KCNQ1: variants seen among roughly 807,000 people sequenced by gnomAD.
KCNQ1 encodes potassium voltage-gated channel subfamily KQT member 1.
In KCNQ1, 49 loss-of-function variants were observed where a neutral mutation model predicts 72.4. That is an observed-to-expected ratio of 0.68 (90% CI 0.54 to 0.86). The LOEUF (loss-of-function observed/expected upper bound fraction) is 0.86, where lower values mean the gene tolerates loss of function less well. Ranked by LOEUF, KCNQ1 falls within the 40% of genes least tolerant of loss-of-function variation. KCNQ1 has a pLI of 0.00. For synonymous variants in KCNQ1, 450 were observed against 412.6 expected (o/e 1.09, Z -1.10); for missense variants, 790 against 945.1 (o/e 0.84, Z 2.15).
At chr11:2,585,099 A>G in intron 7 of KCNQ1, 113 bp from the exon 8 acceptor site, 1 of 938,872 alleles carries the variant, frequency 1.1e-6, no homozygotes, top group Non-Finnish European at 1.7e-6. Flanking sequence ...GGGGGCTTCC[A>G]GCACTGACCA....
rs1391810763 is a variant in KCNQ1, at chr11:2,764,216, A to G, written c.1515-4628A>G. Among the ~76,000 whole-genome samples the G allele has an allele frequency of 2.7e-5, 4 of 150,938 alleles. No homozygotes were observed. The highest frequency in any genetic ancestry group is 4.4e-5 in the Non-Finnish European group (3 of 67,800). On this transcript the variant is annotated intron_variant, in intron 11 of 15. Transcript: ENST00000155840. The surrounding 1 kb of genome is among the most constrained non-coding windows in gnomAD (Gnocchi z 4.8). ...TTTTTGTCTTTTTTTTTTTTAGGTA[A>G]TGGAGTTTCTATTCCTAGTTTGCTG...
At chr11:2,460,100 C>T (rs1234766100) in intron 1 of KCNQ1, among the ~76,000 whole-genome samples, 8 of 152,106 alleles carry the variant, frequency 5.3e-5, no homozygotes, top group Non-Finnish European at 1.2e-4. Flanking sequence ...GCCCCTCACT[C>T]GAGTCCTTGC....
At position 2,471,840 on chromosome 11, in the gene KCNQ1, ATG is replaced by A. The variant is rs753118944; in HGVS notation, c.386+26362_386+26363del. On this transcript the variant is annotated intron_variant, in intron 1 of 15. Coordinates refer to ENST00000155840, the MANE Select transcript of KCNQ1 (RefSeq NM_000218.3). The surrounding 1 kb of genome is among the most constrained non-coding windows in gnomAD (Gnocchi z 4.8). Reference sequence around the variant, plus strand: ...CACGTGTATGGGTGCGTGTGCACCTATGTGTGTATAGGTGTGTGTGTTTATGT... The same window carrying A: ...CACGTGTATGGGTGCGTGTGCACCTATGTGTATAGGTGTGTGTGTTTATGT... Among the ~76,000 whole-genome samples, 11 of 150,038 alleles carry A rather than the reference ATG, an allele frequency of 7.3e-5. No individual in the cohort carries two copies. Among genetic ancestry groups the A allele is most frequent in the East Asian group, 2.0e-4 (1 of 5,052 alleles).
intron 8 of KCNQ1, among the ~76,000 whole-genome samples, chr11:2,587,342 C>T (rs1848605847): frequency 6.6e-6 from 1 of 152,206 alleles, no homozygotes; most frequent in Admixed American, 6.5e-5. Context: ...TAACAATTAG[C>T]CCATGAGGCA....
intron 15 of KCNQ1, among the ~76,000 whole-genome samples, chr11:2,823,731 A>G (rs1349039077): frequency 6.6e-6 from 1 of 152,202 alleles, no homozygotes; most frequent in Non-Finnish European, 1.5e-5. Context: ...TAGAGAAGAG[A>G]GCAGAGAAGC....
chr11:2,645,354 A>G lies in KCNQ1; in HGVS notation c.1394-16607A>G, dbSNP rs557777532. 1 of 398,752 alleles carries G rather than the reference A, an allele frequency of 2.5e-6. No individual in the cohort carries two copies. Among genetic ancestry groups the G allele is most frequent in the South Asian group, 1.3e-4 (1 of 7,850 alleles). 24.7% of individuals were successfully genotyped at this position (398,752 alleles called of 1,614,324 possible). A position where few individuals can be genotyped will look rare whatever the true frequency, so the allele number is the denominator to read the frequency against. ...GGTGATCCCTAGGCCCAGAGATGGT[A>G]TGCGCTGGCACTGGGAGAAAAGAGG... is the stretch of plus-strand genomic sequence containing the variant. On this transcript the variant is annotated intron_variant, in intron 10 of 15. Coordinates refer to ENST00000155840, the MANE Select transcript of KCNQ1 (RefSeq NM_000218.3). This position sits in a 1 kb window ranked among gnomAD's most constrained non-coding sequence, Gnocchi z 5.8.
At chr11:2,662,203 C>G in intron 11 of KCNQ1, 122 bp downstream of exon 11, 1 of 1,362,076 alleles carries the variant, frequency 7.3e-7, no homozygotes, top group Non-Finnish European at 1.0e-6. Context: ...TAGTGCCCAC[C>G]ACTTGCCGTC....
chr11:2,680,287 A>G, intron 11 of KCNQ1: 2 of 395,678 alleles, frequency 5.1e-6, no homozygotes, highest in East Asian at 3.6e-5. Context: ...ACTTCATTCA[A>G]TTTAGATTAA....
chr11:2,839,009 TAGGTGGGCAGGTGGGC>T (rs61480309), intron 15 of KCNQ1, among the ~76,000 whole-genome samples: 199 of 151,180 alleles, frequency 1.3e-3, no homozygotes, highest in Admixed American at 1.6e-3. Flanking sequence ...GGGGTTGCAC[TAGGTGGGCAGGTGGGC>T]AGGTGGGCAG....
chr11:2,745,772 G>A lies in KCNQ1; in HGVS notation c.1515-23072G>A, dbSNP rs1326238300. ...CACTAAGCGTGCCTTGGAGAAGGCC[G>A]CTCAGCGAGGGCCGCCTTCAGGCCT... is the stretch of plus-strand genomic sequence containing the variant. On this transcript the variant is annotated intron_variant, in intron 11 of 15. Coordinates refer to ENST00000155840, the MANE Select transcript of KCNQ1 (RefSeq NM_000218.3). This position sits in a 1 kb window ranked among gnomAD's most constrained non-coding sequence, Gnocchi z 6.2. Among the ~76,000 whole-genome samples the A allele has an allele frequency of 3.3e-5, 5 of 152,366 alleles. No homozygotes were observed. Among genetic ancestry groups the A allele is most frequent in the Admixed American group, 6.5e-5 (1 of 15,312 alleles).
At chr11:2,786,017 G>T (rs1459101529) in intron 15 of KCNQ1, among the ~76,000 whole-genome samples, 1 of 151,910 alleles carries the variant, frequency 6.6e-6, no homozygotes, top group Non-Finnish European at 1.5e-5. Flanking sequence ...ATCAATATTT[G>T]TTTAAATTTA....
chr11:2,666,858 G>A, intron 11 of KCNQ1: 2 of 398,684 alleles, frequency 5.0e-6, no homozygotes, highest in Non-Finnish European at 8.8e-6. Flanking sequence ...GGATGAGTGA[G>A]GGGCTTGTCA....
In KCNQ1 at chr11:2,612,022, CAT is replaced by C. The variant is rs536841135; in HGVS notation, c.1393+23171_1393+23172del. The C allele has an allele frequency of 1.2e-4, 47 of 398,654 alleles. No homozygotes were observed. The highest frequency in any genetic ancestry group is 6.3e-4 in the Middle Eastern group (1 of 1,590). The allele number at this position is 398,654 out of a possible 1,614,324, so 24.7% of individuals were successfully genotyped here. On this transcript the variant is annotated intron_variant, in intron 10 of 15. Coordinates refer to ENST00000155840, the MANE Select transcript of KCNQ1 (RefSeq NM_000218.3). The surrounding 1 kb of genome is among the most constrained non-coding windows in gnomAD (Gnocchi z 5.5). ...CATATGTTGTTACTCCTTAATTCCA[CAT>C]ATGTTTTCTACTCTTAATTACATAT...
chr11:2,640,388 T>G (rs1849554646), intron 10 of KCNQ1: 1 of 398,652 alleles, frequency 2.5e-6, no homozygotes, highest in Non-Finnish European at 4.4e-6. Flanking sequence ...CAGGCTCAAG[T>G]CATTCTCCAT....
At position 2,837,549 on chromosome 11, in the gene KCNQ1, G is replaced by A. The variant is rs551931006; in HGVS notation, c.1795-10218G>A. 7.1e-4 allele frequency among the ~76,000 whole-genome samples: 108 copies of A among 152,378 alleles called. 1 individual carries two copies. The highest frequency in any genetic ancestry group is 6.8e-3 in the Middle Eastern group (2 of 294). On this transcript the variant is annotated intron_variant, in intron 15 of 15. Transcript: ENST00000155840. ...CCATTGAACTGTTGTTGGCTGTGCAGTGCCCTGCCCTCGGGGAGGCGGCCT... is the reference window on the plus strand; with the variant it reads ...CCATTGAACTGTTGTTGGCTGTGCAATGCCCTGCCCTCGGGGAGGCGGCCT...
At chr11:2,660,144 T>G in intron 10 of KCNQ1, 1 of 398,448 alleles carries the variant, frequency 2.5e-6, no homozygotes, top group East Asian at 3.6e-5. Flanking sequence ...GATTTTCTCT[T>G]ATGTTTTCTT....
Position 2,734,505 on chromosome 11 carries a change from G to T in KCNQ1, c.1515-34339G>T, listed in dbSNP as rs1202578951. On this transcript the variant is annotated intron_variant, in intron 11 of 15. Coordinates refer to ENST00000155840, the MANE Select transcript of KCNQ1 (RefSeq NM_000218.3). This position sits in a 1 kb window ranked among gnomAD's most constrained non-coding sequence, Gnocchi z 7.0. ...GTGATGGGCAGAATGTGGGGAGCAG[G>T]GTAGGACGGGCCCCTTGGCTGAGAG... Among the ~76,000 whole-genome samples the T allele has an allele frequency of 6.6e-6, 1 of 152,212 alleles. No homozygotes were observed. Among genetic ancestry groups the T allele is most frequent in the Non-Finnish European group, 1.5e-5 (1 of 68,036 alleles).
At chr11:2,606,907 T>C (rs1848889973) in intron 10 of KCNQ1, among the ~76,000 whole-genome samples, 1 of 136,892 alleles carries the variant, frequency 7.3e-6, no homozygotes, top group East Asian at 2.1e-4. Flanking sequence ...TTTTTTTTTT[T>C]TTTTTTTTTT....
chr11:2,688,136 G>A, intron 11 of KCNQ1: 1 of 398,816 alleles, frequency 2.5e-6, no homozygotes. Context: ...AGGCTGAGGT[G>A]GAGAGACCCC....
Sources: allele counts gnomAD v4.1 joint callset (sites outside exome capture counted in the v4.1 genomes callset), GRCh38; gene constraint gnomAD v4.1.1; non-coding constraint Gnocchi (gnomAD v3.1); transcripts MANE v1.5; gene names NCBI Gene and HGNC (gene_info 2026-07-23, HGNC 2026-07-21).